Variants in CRIM1 observed in about 807,000 individuals in gnomAD.
The protein encoded by CRIM1 is cysteine rich transmembrane BMP regulator 1, also known as cysteine-rich motor neuron 1 protein.
Under a neutral mutation model 116.4 loss-of-function variants are expected in CRIM1, and 32 were observed. The ratio of observed to expected loss-of-function variants is 0.27; its 90% CI spans 0.21 to 0.37. The LOEUF (loss-of-function observed/expected upper bound fraction) is 0.37. Among genes scored for constraint, CRIM1 ranks in the 10% least tolerant of loss-of-function variants. The pLI is 1.00. For missense variants in CRIM1, 1,331 were observed against 1,354.8 expected, an observed-to-expected ratio of 0.98 and a Z score of 0.28; for synonymous variants, 590 against 509.2, an observed-to-expected ratio of 1.16 and a Z score of -2.13.
chr2:36,529,331 G>T (rs1665963778), intron 13 of CRIM1: 5 of 341,326 alleles, frequency 1.5e-5, no homozygotes, highest in Non-Finnish European at 3.0e-5. Context: ...AATCTGGAAG[G>T]TCCAATGGCT....
chr2:36,372,405 C>G (rs998918424), intron 1 of CRIM1, among the ~76,000 whole-genome samples: 3 of 151,962 alleles, frequency 2.0e-5, no homozygotes, highest in Non-Finnish European at 2.9e-5. Context: ...GTTATAAGTT[C>G]TTTGTTTGTT....
Position 36,464,826 on chromosome 2 carries a change from A to C in CRIM1, c.991+171A>C, listed in dbSNP as rs80100223. 9.8e-3 allele frequency among the ~76,000 whole-genome samples: 1,494 copies of C among 152,324 alleles called. 24 individuals carry two copies. Among genetic ancestry groups the C allele is most frequent in the African/African-American group, 0.035 (1,442 of 41,558 alleles). On this transcript the variant is annotated intron_variant, in intron 5 of 16. Transcript: ENST00000280527. Reference sequence around the variant, plus strand: ...GATCCACAGTGCAGTAAAGAAAGTTAGGTTAGGAACTATCATTCCACCCAT... The same window carrying C: ...GATCCACAGTGCAGTAAAGAAAGTTCGGTTAGGAACTATCATTCCACCCAT...
chr2:36,481,383 A>G (rs1014630670), intron 7 of CRIM1, among the ~76,000 whole-genome samples: 2 of 152,246 alleles, frequency 1.3e-5, no homozygotes, highest in African/African-American at 4.8e-5. Flanking sequence ...GGTCTCTGCA[A>G]CATCTGCATA....
chr2:36,485,310 G>T lies in CRIM1; in HGVS notation c.1372+5616G>T, dbSNP rs559799284. Among the ~76,000 whole-genome samples, 11 of 152,330 alleles carry T rather than the reference G, an allele frequency of 7.2e-5. No homozygotes were observed. The South Asian group carries it at 2.1e-3, about 29-fold the overall frequency. On this transcript the variant is annotated intron_variant, in intron 7 of 16. Transcript: ENST00000280527. ...CTTGGGACAGTGTTGAAGACTGGAT[G>T]TCAGGCACGTCTTGACCTATGTGGA...
intron 5 of CRIM1, among the ~76,000 whole-genome samples, chr2:36,467,218 T>A (rs535203934): frequency 7.9e-5 from 12 of 152,220 alleles, no homozygotes; most frequent in Non-Finnish European, 1.8e-4. Flanking sequence ...TGATCTTTGC[T>A]TTCTTCCTAA....
chr2:36,517,493 C>T lies in CRIM1; in HGVS notation c.2157C>T (p.Leu719=). The T allele has an allele frequency of 6.2e-7, 1 of 1,614,216 alleles. No individual in the cohort carries two copies. Among genetic ancestry groups the T allele is most frequent in the Non-Finnish European group, 8.5e-7 (1 of 1,180,026 alleles). The part of the protein sequence containing the change: ...LCETEVCPPL[L]CQNPSRTQDS... ...AGACAGAGGTGTGCCCACCGCTGCT[C>T]TGCCAGAACCCCTCACGCACCCAGG... Residue 719 remains leucine, a synonymous_variant, in exon 12 of 17, where the codon CTC becomes CTT. Transcript: ENST00000280527.
intron 5 of CRIM1, 65 bp from the exon 6 acceptor site, chr2:36,476,824 A>G: frequency 2.2e-6 from 3 of 1,387,680 alleles, no homozygotes; most frequent in Non-Finnish European, 3.0e-6. Context: ...GCTGTTTGAA[A>G]AACATCAAAG....
intron 4 of CRIM1, among the ~76,000 whole-genome samples, chr2:36,447,175 A>C (rs1676309447): frequency 6.6e-6 from 1 of 152,216 alleles, no homozygotes. Context: ...GACTTGCAGA[A>C]AATCACAAAT....
At chr2:36,462,811 T>C (rs1677685865) in intron 4 of CRIM1, among the ~76,000 whole-genome samples, 1 of 152,182 alleles carries the variant, frequency 6.6e-6, no homozygotes, top group Non-Finnish European at 1.5e-5. Flanking sequence ...AACAATATAA[T>C]GTTACTGTTA....
intron 13 of CRIM1, among the ~76,000 whole-genome samples, chr2:36,531,231 C>A (rs1666094591): frequency 6.6e-6 from 1 of 152,204 alleles, no homozygotes; most frequent in Non-Finnish European, 1.5e-5. Context: ...AAGCCTCTGA[C>A]TTCATGACCA....
intron 2 of CRIM1, among the ~76,000 whole-genome samples, chr2:36,411,936 C>T (rs1673241027): frequency 1.3e-5 from 2 of 152,146 alleles, no homozygotes; most frequent in Non-Finnish European, 2.9e-5. Context: ...TTTCATTTCC[C>T]TTATCACTAT....
chr2:36,432,852 G>C (rs1184763864), intron 2 of CRIM1, among the ~76,000 whole-genome samples: 1 of 152,052 alleles, frequency 6.6e-6, no homozygotes, highest in African/African-American at 2.4e-5. Context: ...ATTGGAATTG[G>C]TCTGGGGTGC....
chr2:36,506,333 T>G (rs896908641), intron 8 of CRIM1, among the ~76,000 whole-genome samples: 1 of 151,500 alleles, frequency 6.6e-6, no homozygotes, highest in African/African-American at 2.4e-5. Flanking sequence ...ACACAGAGAG[T>G]GGCCCCAACC....
chr2:36,475,418 G>A (rs912341012), intron 5 of CRIM1, among the ~76,000 whole-genome samples: 11 of 152,032 alleles, frequency 7.2e-5, no homozygotes, highest in African/African-American at 2.7e-4. Context: ...ACAATTTGGG[G>A]AGTTGCAATT....
Position 36,549,900 on chromosome 2 carries a change from T to C in CRIM1, c.*1199T>C, listed in dbSNP as rs1173735094. On this transcript the variant is annotated 3_prime_UTR_variant, in exon 17 of 17. Transcript: ENST00000280527. ...TTTATGTTTTCCTGTTGAATGTATT[T>C]TTATGAGATTTTAACCAGAACAAAG... The C allele has an allele frequency of 1.3e-5, 2 of 152,318 alleles. No individual in the cohort carries two copies. Among genetic ancestry groups the C allele is most frequent in the Non-Finnish European group, 2.9e-5 (2 of 67,970 alleles). 9.4% of individuals were successfully genotyped at this position (152,318 alleles called of 1,614,324 possible).
At chr2:36,437,234 G>A (rs1675385822) in intron 2 of CRIM1, among the ~76,000 whole-genome samples, 2 of 152,168 alleles carry the variant, frequency 1.3e-5, no homozygotes, top group Admixed American at 1.3e-4. Flanking sequence ...AATTAGCCGG[G>A]CGAGGTGGTG....
Position 36,479,638 on chromosome 2 carries a change from G to C in CRIM1, c.1316G>C (p.Gly439Ala). ...CGCCACTGCGTTGCGACCGTCTGCGGACAGACCTGCACAAACCCTGTGAAA... is the reference window on the plus strand; with the variant it reads ...CGCCACTGCGTTGCGACCGTCTGCGCACAGACCTGCACAAACCCTGTGAAA... ...GERHCVATVCGQTCTNPVKVP... is the reference protein window; with the variant it reads ...GERHCVATVCAQTCTNPVKVP... Residue 439 changes from glycine (G) to alanine (A), a missense_variant, in exon 7 of 17, where the codon GGA becomes GCA. Physicochemically the swap from Gly to Ala is moderately conservative, Grantham distance 60. Transcript: ENST00000280527. The C allele has an allele frequency of 6.2e-7, 1 of 1,614,232 alleles. No individual in the cohort carries two copies. Among genetic ancestry groups the C allele is most frequent in the South Asian group, 1.1e-5 (1 of 91,086 alleles).
intron 12 of CRIM1, among the ~76,000 whole-genome samples, chr2:36,521,713 G>A (rs937073023): frequency 1.3e-5 from 2 of 152,190 alleles, no homozygotes; most frequent in Non-Finnish European, 2.9e-5. Context: ...GGTCCCATTA[G>A]CTACGGCTAG....
rs551480817 is a variant in CRIM1, at chr2:36,549,369, C to G, written c.*668C>G. ...GTTATTAAGGATATATACAGTTACA[C>G]TTTTTGCTGCTTTTATTTTCTTCCA... On this transcript the variant is annotated 3_prime_UTR_variant, in exon 17 of 17. Transcript: ENST00000280527. The G allele has an allele frequency of 1.3e-5, 2 of 152,732 alleles. No individual in the cohort carries two copies. Among genetic ancestry groups the G allele is most frequent in the African/African-American group, 4.8e-5 (2 of 41,550 alleles). The allele number at this position is 152,732 out of a possible 1,614,324, so 9.5% of individuals were successfully genotyped here.
Sources: gnomAD v4.1 joint callset for allele counts (sites outside exome capture counted in the v4.1 genomes callset) on GRCh38, gnomAD v4.1.1 for gene constraint, MANE v1.5 for transcripts, NCBI Gene and HGNC (gene_info 2026-07-23, HGNC 2026-07-21) for gene names.